The following SH3D19 variants were observed in gnomAD, a reference collection of about 807,000 sequenced individuals.
SH3D19 encodes SH3 domain containing 19, also known as SH3 domain-containing protein 19.
SH3D19 carries 58 observed loss-of-function variants against 112.1 expected under a neutral mutation model. That is an observed-to-expected ratio of 0.52 (90% CI 0.42 to 0.64). The LOEUF is 0.64. SH3D19 is among the 30% of genes least tolerant of loss of function. The probability of loss-of-function intolerance (pLI) is 0.00; values close to 1 mark genes in which losing one functional copy is unlikely to be tolerated. For synonymous variants in SH3D19, 391 were observed against 448.5 expected (o/e 0.87, Z 1.62); for missense variants, 1,090 against 1,263.4 (o/e 0.86, Z 2.08).
intron 2 of SH3D19, among the ~76,000 whole-genome samples, chr4:151,224,030 C>T (rs891009648): frequency 6.6e-6 from 1 of 152,132 alleles, no homozygotes; most frequent in Non-Finnish European, 1.5e-5. Context: ...ATGATCTAGG[C>T]CGGGCACGGT....
At chr4:151,275,845 A>T (rs140552181) in intron 1 of SH3D19, among the ~76,000 whole-genome samples, 44,077 of 94,920 alleles carry the variant, frequency 0.46, 8,416 homozygotes, top group Non-Finnish European at 0.59. Context: ...TATTATTATT[A>T]TTATTTTTTT....
intron 2 of SH3D19, among the ~76,000 whole-genome samples, chr4:151,212,429 G>C (rs1023152729): frequency 9.9e-5 from 15 of 152,170 alleles, no homozygotes; most frequent in Non-Finnish European, 4.4e-5. Context: ...ATACGTGTGA[G>C]GGGCACCTGG....
At chr4:151,144,483 G>A (rs1172841998) in intron 11 of SH3D19, 2 of 586,694 alleles carry the variant, frequency 3.4e-6, no homozygotes, top group Non-Finnish European at 6.1e-6. Flanking sequence ...GGGAGTTGGA[G>A]TTAGGCCCAT....
chr4:151,141,776 C>G (rs1753036672), intron 12 of SH3D19, among the ~76,000 whole-genome samples: 1 of 152,222 alleles, frequency 6.6e-6, no homozygotes, highest in African/African-American at 2.4e-5. Context: ...GGCTAGATGC[C>G]TATCCATTTG....
At chr4:151,250,868 C>G (rs1264583497) in intron 1 of SH3D19, among the ~76,000 whole-genome samples, 1 of 152,158 alleles carries the variant, frequency 6.6e-6, no homozygotes, top group Non-Finnish European at 1.5e-5. Context: ...AAAAGGAGCA[C>G]AGTTTGGCTG....
At chr4:151,249,507 T>C (rs1276626497) in intron 1 of SH3D19, among the ~76,000 whole-genome samples, 1 of 152,142 alleles carries the variant, frequency 6.6e-6, no homozygotes, top group Admixed American at 6.5e-5. Flanking sequence ...CTTTCCAAAA[T>C]AGGTCAAAGT....
rs1226391252 is a variant in SH3D19 at position 151,175,102 on chromosome 4, G to C, written c.1102C>G (p.Pro368Ala). The C allele has an allele frequency of 6.2e-7, 1 of 1,613,982 alleles. No individual in the cohort carries two copies. Among genetic ancestry groups the C allele is most frequent in the Non-Finnish European group, 8.5e-7 (1 of 1,180,024 alleles). ...VTSKEGLTPYPPLQEAGSIPV... is the reference protein window; with the variant it reads ...VTSKEGLTPYAPLQEAGSIPV... ...ATGCTTCCCGCTTCTTGCAGGGGAGGGTATGGGGTGAGTCCTTCCTTGGAG... is the reference window on the plus strand; with the variant it reads ...ATGCTTCCCGCTTCTTGCAGGGGAGCGTATGGGGTGAGTCCTTCCTTGGAG... Residue 368 changes from proline to alanine, a missense_variant, in exon 7 of 20, where the codon CCT (proline) becomes GCT (alanine). Pro to Ala is a conservative substitution (Grantham distance 27). Transcript: ENST00000604030.
chr4:151,159,060 G>A (rs1027691590), intron 9 of SH3D19, among the ~76,000 whole-genome samples, 180 bp downstream of exon 9: 1 of 151,988 alleles, frequency 6.6e-6, no homozygotes, highest in Non-Finnish European at 1.5e-5. Flanking sequence ...CTCTCTATAG[G>A]GACTTTTAAC....
chr4:151,233,286 G>A (rs918261193), intron 1 of SH3D19, among the ~76,000 whole-genome samples: 2 of 152,004 alleles, frequency 1.3e-5, no homozygotes, highest in Non-Finnish European at 2.9e-5. Context: ...CACGATAAAT[G>A]TAATATGTTT....
intron 7 of SH3D19, chr4:151,165,899 C>A: frequency 2.0e-6 from 1 of 507,822 alleles, no homozygotes; most frequent in East Asian, 3.3e-5. Context: ...ATTCATGCGG[C>A]TTTTCTTCCT....
At position 151,325,325 on chromosome 4, in the gene SH3D19, C is replaced by G; in HGVS notation, c.28G>C (p.Glu10Gln). The G allele has an allele frequency of 8.2e-7, 1 of 1,217,058 alleles. No homozygotes were observed. Among genetic ancestry groups the G allele is most frequent in the Non-Finnish European group, 1.0e-6 (1 of 978,422 alleles). 75.4% of individuals were successfully genotyped at this position (1,217,058 alleles called of 1,614,324 possible). Residue 10 changes from glutamate (E) to glutamine (Q), a missense_variant, in exon 1 of 20, where the codon GAG becomes CAG. Physicochemically the swap from Glu to Gln is conservative, Grantham distance 29. Transcript: ENST00000604030. The part of the protein sequence containing the change: MAEGRRRED[E>Q]EEELRERREL... ...CGGCGCTCGCGTAGCTCTTCCTCCT[C>G]GTCCTCCCGCCGCCGGCCCTCAGCC...
intron 17 of SH3D19, among the ~76,000 whole-genome samples, chr4:151,130,295 C>T (rs548830980): frequency 1.3e-3 from 198 of 152,062 alleles, no homozygotes; most frequent in Non-Finnish European, 2.4e-3. Context: ...CAAAAATTAG[C>T]TGGGAGTGGT....
intron 1 of SH3D19, among the ~76,000 whole-genome samples, chr4:151,235,909 G>C (rs942497740): frequency 1.3e-5 from 2 of 152,248 alleles, no homozygotes; most frequent in Admixed American, 6.5e-5. Context: ...CCCTTATACA[G>C]AGCTTAGTCT....
chr4:151,273,071 C>T (rs1580371034), intron 1 of SH3D19, among the ~76,000 whole-genome samples: 1 of 152,282 alleles, frequency 6.6e-6, no homozygotes, highest in East Asian at 1.9e-4. Context: ...ACTAGGATAA[C>T]TATTTAATTC....
chr4:151,294,287 T>C (rs1775554048), intron 1 of SH3D19, among the ~76,000 whole-genome samples: 1 of 152,206 alleles, frequency 6.6e-6, no homozygotes, highest in South Asian at 2.1e-4. Flanking sequence ...GACACAATGT[T>C]TCGCACAAAG....
At position 151,164,467 on chromosome 4, in the gene SH3D19, T is replaced by A. The variant is rs192751594; in HGVS notation, c.1642+1122A>T. 1.1e-4 allele frequency among the ~76,000 whole-genome samples: 16 copies of A among 152,302 alleles called. No individual in the cohort carries two copies. In the East Asian group the frequency reaches 3.1e-3, roughly 29 times the overall value. ...TTTCCCATTATAATAAATATCAGATTTCTTTTTGAAGTACTTATTAAAGCT... is the reference window on the plus strand; with the variant it reads ...TTTCCCATTATAATAAATATCAGATATCTTTTTGAAGTACTTATTAAAGCT... On this transcript the variant is annotated intron_variant, in intron 8 of 19. Transcript: ENST00000604030.
At chr4:151,261,760 G>A (rs1772393842) in intron 1 of SH3D19, among the ~76,000 whole-genome samples, 1 of 152,160 alleles carries the variant, frequency 6.6e-6, no homozygotes, top group Admixed American at 6.5e-5. Flanking sequence ...ATAGTGCTGA[G>A]ACCTTAAAAG....
intron 2 of SH3D19, among the ~76,000 whole-genome samples, chr4:151,219,690 C>T (rs1373205968): frequency 2.6e-5 from 4 of 152,096 alleles, no homozygotes; most frequent in Admixed American, 1.3e-4. Context: ...CTTTTTCTTC[C>T]GTATGCGTAG....
In SH3D19 at chr4:151,127,623, AG is replaced by A; in HGVS notation, c.3021del (p.Phe1008SerfsTer6). On this transcript the variant is annotated frameshift_variant, in exon 19 of 20. Coordinates refer to ENST00000604030, the MANE Select transcript of SH3D19 (RefSeq NM_001378122.1). LOFTEE classifies it high-confidence loss of function. ...GAAGAGATACACATTCTGACCTTGA[AG>A]GAAAGTTCATCTTCATTCTCCCCTC... ...DFRGENEDEL[S>X]FKAGDIITEL... The A allele has an allele frequency of 6.3e-7, 1 of 1,591,994 alleles. No individual in the cohort carries two copies. The highest frequency in any genetic ancestry group is 8.5e-7 in the Non-Finnish European group (1 of 1,169,856).
Sources: allele counts gnomAD v4.1 joint callset (sites outside exome capture counted in the v4.1 genomes callset), GRCh38; gene constraint gnomAD v4.1.1; transcripts MANE v1.5; gene names NCBI Gene and HGNC (gene_info 2026-07-23, HGNC 2026-07-21).